MCUB: variants seen among roughly 807,000 people sequenced by gnomAD.
MCUB encodes the protein calcium uniporter regulatory subunit MCUb, mitochondrial.
A neutral mutation model predicts 41.4 loss-of-function variants in MCUB; 46 were observed. That is an observed-to-expected ratio of 1.11 (90% CI 0.88 to 1.42). The LOEUF (loss-of-function observed/expected upper bound fraction) is 1.42. Among genes scored for constraint, MCUB ranks in the 40% most tolerant of loss-of-function variants. The pLI, the probability that MCUB is intolerant of heterozygous loss-of-function variation, is 0.00. For missense variants in MCUB, 403 were observed against 404.9 expected (o/e 1.00, Z 0.04); for synonymous variants, 148 against 148.2 (o/e 1.00, Z 0.01).
chr4:109,589,026 T>C (rs553432126), intron 1 of MCUB, among the ~76,000 whole-genome samples: 1 of 152,348 alleles, frequency 6.6e-6, no homozygotes, highest in East Asian at 1.9e-4. Context: ...GTCATTAAGG[T>C]AACCATAATT....
intron 7 of MCUB, among the ~76,000 whole-genome samples, chr4:109,686,558 G>A (rs1043596048): frequency 2.0e-5 from 3 of 152,216 alleles, no homozygotes; most frequent in Admixed American, 1.3e-4. Flanking sequence ...GAAGGCTAAG[G>A]AATGTTCTTT....
At chr4:109,596,913 G>A (rs1436595947) in intron 1 of MCUB, among the ~76,000 whole-genome samples, 1 of 151,704 alleles carries the variant, frequency 6.6e-6, no homozygotes, top group African/African-American at 2.4e-5. Flanking sequence ...GGGTACTTGA[G>A]ATTAGGGAGT....
chr4:109,575,117 G>A (rs149132028), intron 1 of MCUB, among the ~76,000 whole-genome samples: 2 of 152,236 alleles, frequency 1.3e-5, no homozygotes, highest in Non-Finnish European at 2.9e-5. Context: ...GTTCTCTGAG[G>A]TCCCTTGGGT....
intron 1 of MCUB, among the ~76,000 whole-genome samples, chr4:109,656,032 G>C (rs1729088539): frequency 6.6e-6 from 1 of 151,902 alleles, no homozygotes; most frequent in Non-Finnish European, 1.5e-5. Context: ...TTGTCATGTG[G>C]GTGCCTCTAT....
chr4:109,633,276 T>A (rs1376335661), intron 1 of MCUB, among the ~76,000 whole-genome samples: 1 of 142,728 alleles, frequency 7.0e-6, no homozygotes, highest in East Asian at 1.9e-4. Context: ...ATTATTATTA[T>A]TTTTTTTTTG....
At chr4:109,655,742 G>C (rs1729081150) in intron 1 of MCUB, among the ~76,000 whole-genome samples, 1 of 152,098 alleles carries the variant, frequency 6.6e-6, no homozygotes, top group Admixed American at 6.5e-5. Context: ...GAAGCCTGGG[G>C]CAGCAGGGGG....
At chr4:109,633,337 G>A (rs1039908522) in intron 1 of MCUB, among the ~76,000 whole-genome samples, 1 of 151,798 alleles carries the variant, frequency 6.6e-6, no homozygotes, top group Non-Finnish European at 1.5e-5. Flanking sequence ...GCGCGATCTC[G>A]GCTCACTGTA....
At chr4:109,599,490 G>T (rs1200670065) in intron 1 of MCUB, among the ~76,000 whole-genome samples, 1 of 152,044 alleles carries the variant, frequency 6.6e-6, no homozygotes, top group Non-Finnish European at 1.5e-5. Context: ...AGTGTTGAGG[G>T]AAGTCTGTCT....
rs1729372388 is a variant in MCUB, at chr4:109,667,660, ATT to A, written c.451+3267_451+3268del. On this transcript the variant is annotated intron_variant, in intron 4 of 7. Coordinates refer to ENST00000394650, the MANE Select transcript of MCUB (RefSeq NM_017918.5). ...ATATTATATACTCTACATAATAAAT[ATT>A]CTACTATATTTATTATCTCTTTTCT... Among the ~76,000 whole-genome samples, 10 of 150,308 alleles carry A rather than the reference ATT, an allele frequency of 6.7e-5. No individual in the cohort carries two copies. In the South Asian group the frequency reaches 1.9e-3, roughly 28 times the overall value.
At chr4:109,579,500 G>A (rs896285033) in intron 1 of MCUB, among the ~76,000 whole-genome samples, 6 of 152,070 alleles carry the variant, frequency 3.9e-5, no homozygotes, top group African/African-American at 9.7e-5. Flanking sequence ...CACGCGCCTC[G>A]GCCTCCCAAA....
At chr4:109,656,354 CTTTTTTTTTT>C (rs752851425) in intron 1 of MCUB, among the ~76,000 whole-genome samples, 30 of 62,110 alleles carry the variant, frequency 4.8e-4, no homozygotes, top group African/African-American at 1.6e-3. Flanking sequence ...TTACTCTCTA[CTTTTTTTTTT>C]TTTTTTTTTT....
chr4:109,593,566 C>T (rs564528012), intron 1 of MCUB, among the ~76,000 whole-genome samples: 8 of 152,234 alleles, frequency 5.3e-5, no homozygotes, highest in African/African-American at 1.7e-4. Context: ...GTAAAGTGCC[C>T]AAAATATGAA....
chr4:109,609,638 T>A (rs993019026), intron 1 of MCUB, among the ~76,000 whole-genome samples: 3 of 152,148 alleles, frequency 2.0e-5, no homozygotes, highest in Non-Finnish European at 4.4e-5. Flanking sequence ...AGTCCCTATT[T>A]AAGATGGAGC....
chr4:109,682,532 C>T (rs1180744989), intron 4 of MCUB, 50 bp from the exon 5 acceptor site: 1 of 1,493,074 alleles, frequency 6.7e-7, no homozygotes, highest in African/African-American at 1.4e-5. Flanking sequence ...TTTACACACC[C>T]TGCGGGAACA....
At chr4:109,604,430 C>T (rs984228329) in intron 1 of MCUB, among the ~76,000 whole-genome samples, 5 of 152,090 alleles carry the variant, frequency 3.3e-5, no homozygotes, top group Non-Finnish European at 5.9e-5. Context: ...AGTCTGTAGG[C>T]TTTTCCAGAT....
Position 109,659,029 on chromosome 4 carries a change from T to C in MCUB, c.118T>C (p.Cys40Arg), listed in dbSNP as rs376679283. 129 of 1,540,742 alleles carry C rather than the reference T, an allele frequency of 8.4e-5. No individual in the cohort carries two copies. In the African/African-American group the frequency reaches 1.5e-3, roughly 18 times the overall value. The change falls in exon 2 of 8, where the codon TGT becomes CGT. Residue 40 changes from cysteine to arginine, a missense_variant. Cys to Arg is a radical substitution (Grantham distance 180, BLOSUM62 -3). Coordinates refer to ENST00000394650, the MANE Select transcript of MCUB (RefSeq NM_017918.5). ...CTTGTAGGTTTTGCGTGTGAAGCTG[T>C]GTGGAAATGTGAAATACTACCAGTC... is the stretch of plus-strand genomic sequence containing the variant. ...PPPQVLRVKL[C>R]GNVKYYQSHH...
intron 1 of MCUB, among the ~76,000 whole-genome samples, chr4:109,598,766 A>C (rs905783686): frequency 1.3e-5 from 2 of 152,196 alleles, no homozygotes; most frequent in African/African-American, 4.8e-5. Flanking sequence ...CTTCTTATTG[A>C]GTTCGTTTCC....
intron 1 of MCUB, among the ~76,000 whole-genome samples, chr4:109,610,273 G>A (rs922974049): frequency 6.6e-6 from 1 of 152,172 alleles, no homozygotes; most frequent in Non-Finnish European, 1.5e-5. Flanking sequence ...TACCCCATGT[G>A]GCCGAACTGG....
chr4:109,583,610 G>A (rs1178642726), intron 1 of MCUB, among the ~76,000 whole-genome samples: 1 of 152,188 alleles, frequency 6.6e-6, no homozygotes, highest in African/African-American at 2.4e-5. Context: ...TTGAATAGGA[G>A]TGGTGAGAGA....
Sources: gnomAD v4.1 joint callset for allele counts (sites outside exome capture counted in the v4.1 genomes callset) on GRCh38, gnomAD v4.1.1 for gene constraint, MANE v1.5 for transcripts, NCBI Gene and HGNC (gene_info 2026-07-23, HGNC 2026-07-21) for gene names.